VPS35L: variants seen among roughly 807,000 people sequenced by gnomAD.
VPS35L encodes VPS35 endosomal protein-sorting factor-like.
VPS35L carries 83 observed loss-of-function variants against 133.0 expected under a neutral mutation model. The ratio of observed to expected loss-of-function variants is 0.62; its 90% CI spans 0.52 to 0.75. The LOEUF (loss-of-function observed/expected upper bound fraction) is 0.75, where lower values mean the gene tolerates loss of function less well. VPS35L is among the 30% of genes least tolerant of loss of function. VPS35L has a pLI of 0.00. For missense variants in VPS35L, 1,083 were observed against 1,206.8 expected (o/e 0.90, Z 1.52); for synonymous variants, 423 against 449.9 (o/e 0.94, Z 0.76).
At chr16:19,673,207 C>T (rs369737092) in intron 27 of VPS35L, among the ~76,000 whole-genome samples, 84 of 152,330 alleles carry the variant, frequency 5.5e-4, no homozygotes, top group African/African-American at 1.6e-3. Context: ...AGGGCAGATC[C>T]AGCCGGTAGA....
At chr16:19,616,937 A>C (rs1391270247) in intron 14 of VPS35L, 129 bp downstream of exon 14, 1 of 1,365,212 alleles carries the variant, frequency 7.3e-7, no homozygotes, top group Non-Finnish European at 1.0e-6. Context: ...GCCAGCCTTT[A>C]TAGAGGGCTT....
intron 1 of VPS35L, among the ~76,000 whole-genome samples, chr16:19,561,464 A>G (rs1174821210): frequency 1.3e-5 from 2 of 152,232 alleles, no homozygotes; most frequent in Non-Finnish European, 2.9e-5. Context: ...TCATTTAGAA[A>G]GGATAGAAAT....
Position 19,581,645 on chromosome 16 carries a change from G to A in VPS35L, c.631G>A (p.Val211Ile). Residue 211 changes from valine (V) to isoleucine (I), a missense_variant, in exon 7 of 31, where the codon GTC becomes ATC. Coordinates refer to ENST00000417362, the MANE Select transcript of VPS35L (RefSeq NM_020314.7). ...SDQKVKALKI[V>I]IQCSKLLSDT... ...CCAGAAAGTGAAGGCTCTAAAAATAGTCATCCAGGTTAGCTCTAGTGATCC... is the reference window on the plus strand; with the variant it reads ...CCAGAAAGTGAAGGCTCTAAAAATAATCATCCAGGTTAGCTCTAGTGATCC... 2 of 1,613,900 alleles carry A rather than the reference G, an allele frequency of 1.2e-6. No individual in the cohort carries two copies. The highest frequency in any genetic ancestry group is 1.7e-6 in the Non-Finnish European group (2 of 1,180,006).
At chr16:19,622,140 C>CTTTTTTTTTTTTTTTT (rs60521137) in intron 14 of VPS35L, among the ~76,000 whole-genome samples, 3 of 107,918 alleles carry the variant, frequency 2.8e-5, no homozygotes, top group East Asian at 3.3e-4. Flanking sequence ...CCATGTATAT[C>CTTTTTTTTTTTTTTTT]TTTTTTTTTT....
rs183622678 is a variant in VPS35L at position 19,696,887 on chromosome 16, G to A, written c.2647-2615G>A. 2.0e-5 allele frequency among the ~76,000 whole-genome samples: 3 copies of A among 152,302 alleles called. No homozygotes were observed. The East Asian group carries it at 5.8e-4, about 29-fold the overall frequency. On this transcript the variant is annotated intron_variant, in intron 29 of 30. Coordinates refer to ENST00000417362, the MANE Select transcript of VPS35L (RefSeq NM_020314.7). ...GGGCCTCTCTCCAAGGAGACTTTTA[G>A]TTAGCTCTGAAAGAGTTTTATTTTA...
At chr16:19,615,954 G>A (rs969383035) in intron 12 of VPS35L, among the ~76,000 whole-genome samples, 160 bp from the exon 13 acceptor site, 9 of 135,398 alleles carry the variant, frequency 6.6e-5, no homozygotes, top group East Asian at 4.1e-4. Flanking sequence ...GCAACAGAGC[G>A]AGACTCCATC....
intron 7 of VPS35L, among the ~76,000 whole-genome samples, chr16:19,582,799 T>C (rs866963147): frequency 3.9e-5 from 6 of 152,234 alleles, no homozygotes; most frequent in African/African-American, 1.2e-4. Flanking sequence ...AATCATTAAG[T>C]GTGTTTCATC....
chr16:19,616,882 C>A, intron 14 of VPS35L, 74 bp downstream of exon 14: 1 of 1,591,406 alleles, frequency 6.3e-7, no homozygotes. Flanking sequence ...TGCCCTTTAA[C>A]GTTAATGGGA....
In VPS35L at chr16:19,644,871, A is replaced by G. The variant is rs1235762936; in HGVS notation, c.1866-15A>G. 4 of 1,565,188 alleles carry G rather than the reference A, an allele frequency of 2.6e-6. No individual in the cohort carries two copies. The highest frequency in any genetic ancestry group is 2.7e-5 in the African/African-American group (2 of 73,872). On this transcript the variant is annotated splice_polypyrimidine_tract_variant and intron_variant, in intron 22 of 30. Transcript: ENST00000417362. ...TATTACCTCCGTGTTAATTATGTAC[A>G]ATTATTGATTTTAGTGCACTCACTC...
intron 22 of VPS35L, 122 bp downstream of exon 22, chr16:19,642,598 A>G: frequency 1.2e-6 from 1 of 815,720 alleles, no homozygotes. Context: ...GGGAGTATTA[A>G]GATTTTTGCT....
intron 19 of VPS35L, among the ~76,000 whole-genome samples, chr16:19,635,815 G>A (rs1973606049): frequency 6.6e-6 from 1 of 152,178 alleles, no homozygotes; most frequent in Non-Finnish European, 1.5e-5. Flanking sequence ...AAAATTGATG[G>A]ATTTGGGTAA....
intron 12 of VPS35L, 42 bp downstream of exon 12, chr16:19,610,457 C>T (rs753722738): frequency 1.3e-6 from 2 of 1,519,488 alleles, no homozygotes; most frequent in Non-Finnish European, 1.8e-6. Context: ...ACGGCTGCCA[C>T]CCGTCTCCTT....
At chr16:19,684,127 G>A (rs1288965845) in intron 28 of VPS35L, among the ~76,000 whole-genome samples, 1 of 152,102 alleles carries the variant, frequency 6.6e-6, no homozygotes, top group Non-Finnish European at 1.5e-5. Context: ...TGGGTGCTCT[G>A]GAGGAAGGAG....
At position 19,633,063 on chromosome 16, in the gene VPS35L, T is replaced by A; in HGVS notation, c.1555-29T>A. The A allele has an allele frequency of 2.5e-6, 4 of 1,602,306 alleles. No homozygotes were observed. The highest frequency in any genetic ancestry group is 3.4e-6 in the Non-Finnish European group (4 of 1,169,204). ...TCAGCAGTTGCCATACAGTGTCTAA[T>A]TCAGGTTTGGTTCCTTTTTCCTGCT... On this transcript the variant is annotated intron_variant, in intron 18 of 30. Coordinates refer to ENST00000417362, the MANE Select transcript of VPS35L (RefSeq NM_020314.7). The surrounding 1 kb of genome is among the most constrained non-coding windows in gnomAD (Gnocchi z 4.1).
intron 12 of VPS35L, among the ~76,000 whole-genome samples, chr16:19,612,746 T>G (rs966614438): frequency 6.6e-6 from 1 of 152,230 alleles, no homozygotes; most frequent in African/African-American, 2.4e-5. Context: ...ATGTATTTTT[T>G]GCAAGCCTGT....
chr16:19,646,511 C>T (rs1305334432), intron 23 of VPS35L, among the ~76,000 whole-genome samples: 1 of 151,886 alleles, frequency 6.6e-6, no homozygotes, highest in Non-Finnish European at 1.5e-5. Context: ...GCTAAAAATA[C>T]AAAATTAGCC....
At position 19,674,541 on chromosome 16, in the gene VPS35L, C is replaced by A. The variant is rs542085330; in HGVS notation, c.2361+5242C>A. On this transcript the variant is annotated intron_variant, in intron 27 of 30. Coordinates refer to ENST00000417362, the MANE Select transcript of VPS35L (RefSeq NM_020314.7). Reference sequence around the variant, plus strand: ...TCAAATTATTTGTTACCTTTCAGGTCACAGCTTTTATTTTAGTTTTATTGT... The same window carrying A: ...TCAAATTATTTGTTACCTTTCAGGTAACAGCTTTTATTTTAGTTTTATTGT... Among the ~76,000 whole-genome samples the A allele has an allele frequency of 7.2e-4, 110 of 152,216 alleles. No homozygotes were observed. In the South Asian group the frequency reaches 9.9e-3, roughly 14 times the overall value.
intron 26 of VPS35L, among the ~76,000 whole-genome samples, chr16:19,657,313 G>A (rs1567461928): frequency 6.6e-6 from 1 of 152,016 alleles, no homozygotes; most frequent in Admixed American, 6.6e-5. Flanking sequence ...CCCACCTTCT[G>A]TAGGGATCTC....
intron 3 of VPS35L, among the ~76,000 whole-genome samples, chr16:19,569,905 G>A (rs1971309336): frequency 6.6e-6 from 1 of 152,110 alleles, no homozygotes; most frequent in Non-Finnish European, 1.5e-5. Flanking sequence ...CAAGCCTCAA[G>A]CGATCCTCCC....
Sources: gnomAD v4.1 joint callset for allele counts (sites outside exome capture counted in the v4.1 genomes callset) on GRCh38, gnomAD v4.1.1 for gene constraint, Gnocchi (gnomAD v3.1) non-coding constraint, MANE v1.5 for transcripts, NCBI Gene and HGNC (gene_info 2026-07-23, HGNC 2026-07-21) for gene names.